Variants in LUZP1 observed in about 807,000 individuals in gnomAD.
LUZP1 encodes the protein leucine zipper protein 1.
A neutral mutation model predicts 71.3 loss-of-function variants in LUZP1; 25 were observed. That is an observed-to-expected ratio of 0.35 (90% confidence interval 0.26 to 0.49). The LOEUF is 0.49. Among genes scored for constraint, LUZP1 ranks in the 20% least tolerant of loss-of-function variants. LUZP1 has a pLI of 0.99. For missense variants in LUZP1, 1,142 were observed against 1,300.8 expected, an observed-to-expected ratio of 0.88 and a Z score of 1.88; for synonymous variants, 481 against 506.4, an observed-to-expected ratio of 0.95 and a Z score of 0.67.
At chr1:23,156,803 C>T (rs961497266) in intron 2 of LUZP1, among the ~76,000 whole-genome samples, 1 of 152,090 alleles carries the variant, frequency 6.6e-6, no homozygotes, top group African/African-American at 2.4e-5. Flanking sequence ...CAAAGACAAA[C>T]CTCACACACA....
In LUZP1 at chr1:23,154,707, T is replaced by TA. The variant is rs544759221; in HGVS notation, c.-226+14058dup. On this transcript the variant is annotated intron_variant, in intron 2 of 4. Transcript: ENST00000302291. ...ACAGGCGCCTGCCACCACACCTGGC[T>TA]AATTTTTTTTTTTTTTTTTTGTATT... is the stretch of plus-strand genomic sequence containing the variant. Among the ~76,000 whole-genome samples, 60 of 112,672 alleles carry TA rather than the reference T, an allele frequency of 5.3e-4. 1 individual carries two copies. The South Asian group carries it at 0.013, about 25-fold the overall frequency. The allele number at this position is 112,672 out of a possible 152,430, so 73.9% of individuals were successfully genotyped here. A position where few individuals can be genotyped will look rare whatever the true frequency, so the allele number is the denominator to read the frequency against.
At chr1:23,165,115 C>T (rs1403190556) in intron 2 of LUZP1, among the ~76,000 whole-genome samples, 4 of 152,068 alleles carry the variant, frequency 2.6e-5, no homozygotes, top group Non-Finnish European at 4.4e-5. Context: ...TTCCTATTTC[C>T]TCCCAAGTTG....
At position 23,091,161 on chromosome 1, in the gene LUZP1, AGAGAGAGGG is replaced by A; in HGVS notation, c.3072+20_3072+28del. 1 of 1,564,150 alleles carries A rather than the reference AGAGAGAGGG, an allele frequency of 6.4e-7. No homozygotes were observed. The highest frequency in any genetic ancestry group is 8.6e-7 in the Non-Finnish European group (1 of 1,156,670). On this transcript the variant is annotated intron_variant, in intron 4 of 4. Coordinates refer to ENST00000302291, the Ensembl canonical transcript of LUZP1. ...CAAAGAAGGAAAAGGGAGGGAGAAA[AGAGAGAGGG>A]GAGAGAGGCTGGAACTCACCATGCT... is the stretch of plus-strand genomic sequence containing the variant.
chr1:23,129,149 T>C (rs572537517), intron 2 of LUZP1, among the ~76,000 whole-genome samples: 1 of 152,352 alleles, frequency 6.6e-6, no homozygotes, highest in African/African-American at 2.4e-5. Context: ...GTTTAGAAGC[T>C]ACTGGGATTG....
rs796743872 is a variant in LUZP1 at position 23,163,383 on chromosome 1, C to CA, written c.-226+5382dup. On this transcript the variant is annotated intron_variant, in intron 2 of 4. Coordinates refer to ENST00000302291, the Ensembl canonical transcript of LUZP1. ...GCAACAAAGCAAAACCCTATCTCTA[C>CA]AAAAAAAAAAAAAATGTTTCTTAAT... Among the ~76,000 whole-genome samples the CA allele has an allele frequency of 6.4e-3, 848 of 133,320 alleles. 4 individuals carry two copies. Among genetic ancestry groups the CA allele is most frequent in the African/African-American group, 0.017 (614 of 36,356 alleles). 87.5% of individuals were successfully genotyped at this position (133,320 alleles called of 152,430 possible). A position where few individuals can be genotyped will look rare whatever the true frequency, so the allele number is the denominator to read the frequency against.
intron 3 of LUZP1, among the ~76,000 whole-genome samples, chr1:23,102,110 G>A (rs1463327830): frequency 1.3e-5 from 2 of 152,028 alleles, no homozygotes; most frequent in African/African-American, 2.4e-5. Context: ...TGTGCCTAAG[G>A]GTGGGGTCTG....
intron 2 of LUZP1, among the ~76,000 whole-genome samples, chr1:23,111,417 G>T (rs938195626): frequency 6.6e-6 from 1 of 151,810 alleles, no homozygotes; most frequent in Non-Finnish European, 1.5e-5. Context: ...TTAATTAGCT[G>T]GGCATGGTGA....
intron 2 of LUZP1, among the ~76,000 whole-genome samples, chr1:23,135,169 A>G (rs1644244135): frequency 6.6e-6 from 1 of 152,226 alleles, no homozygotes; most frequent in African/African-American, 2.4e-5. Flanking sequence ...TTGGAAACTT[A>G]AGGACTGGGG....
chr1:23,083,939 AGTGTGG>A (rs1240934278), downstream of LUZP1: 2 of 151,940 alleles, frequency 1.3e-5, no homozygotes, highest in Non-Finnish European at 2.9e-5. Context: ...GTGGGGGTGG[AGTGTGG>A]TGGTGTGCCA....
intron 2 of LUZP1, among the ~76,000 whole-genome samples, chr1:23,111,702 A>T (rs1003861735): frequency 2.0e-5 from 3 of 152,100 alleles, no homozygotes; most frequent in Non-Finnish European, 4.4e-5. Flanking sequence ...TGGTATTCAA[A>T]TAGTTTTAGG....
intron 2 of LUZP1, among the ~76,000 whole-genome samples, chr1:23,117,724 A>G (rs1364455479): frequency 6.6e-6 from 1 of 152,092 alleles, no homozygotes; most frequent in South Asian, 2.1e-4. Context: ...TCTTGTAGCT[A>G]TAACTATGTC....
At chr1:23,088,582 G>A in exon 5 of LUZP1, 1 of 235,252 alleles carries the variant, frequency 4.3e-6, no homozygotes, top group Non-Finnish European at 8.3e-6. Context: ...TTTGACTCCT[G>A]CTGTGTGCTG....
intron 2 of LUZP1, among the ~76,000 whole-genome samples, chr1:23,158,733 G>A (rs1176682764): frequency 2.0e-5 from 3 of 151,028 alleles, no homozygotes; most frequent in Non-Finnish European, 4.4e-5. Flanking sequence ...TTGGGAGGCG[G>A]AGGTGGGCAG....
At chr1:23,175,837 G>A (rs1219001805) in intron 1 of LUZP1, among the ~76,000 whole-genome samples, 2 of 152,164 alleles carry the variant, frequency 1.3e-5, no homozygotes, top group Non-Finnish European at 2.9e-5. Context: ...AGGGATTGGG[G>A]GAATGCAGGG....
chr1:23,175,501 G>A (rs555394863), intron 1 of LUZP1, among the ~76,000 whole-genome samples: 3 of 152,172 alleles, frequency 2.0e-5, no homozygotes, highest in African/African-American at 4.8e-5. Context: ...CCCCATTAGC[G>A]CAATTAGGAC....
intron 1 of LUZP1, among the ~76,000 whole-genome samples, chr1:23,174,965 A>G (rs58272995): frequency 0.15 from 22,043 of 152,012 alleles, 1,979 homozygotes; most frequent in South Asian, 0.32. Flanking sequence ...TCATTCCACA[A>G]ACATTTATAG....
chr1:23,115,407 A>C (rs763497442), intron 2 of LUZP1, among the ~76,000 whole-genome samples: 111 of 152,364 alleles, frequency 7.3e-4, no homozygotes, highest in Non-Finnish European at 6.2e-4. Context: ...AGAAGAGTAT[A>C]AACAAGATCA....
At chr1:23,137,466 C>A (rs1644263700) in intron 2 of LUZP1, among the ~76,000 whole-genome samples, 1 of 152,080 alleles carries the variant, frequency 6.6e-6, no homozygotes, top group South Asian at 2.1e-4. Context: ...CATGTCGAAA[C>A]CCCACCTCCA....
At chr1:23,097,304 C>T (rs758692167) in intron 3 of LUZP1, among the ~76,000 whole-genome samples, 23 of 152,188 alleles carry the variant, frequency 1.5e-4, no homozygotes, top group Non-Finnish European at 2.8e-4. Flanking sequence ...TGAACCACTT[C>T]TCAGCAGAAA....
Sources: gnomAD v4.1 joint callset for allele counts (sites outside exome capture counted in the v4.1 genomes callset) on GRCh38, gnomAD v4.1.1 for gene constraint, MANE v1.5 for transcripts, NCBI Gene and HGNC (gene_info 2026-07-23, HGNC 2026-07-21) for gene names.